Variants in TBC1D7 observed in about 807,000 individuals in gnomAD.
The protein encoded by TBC1D7 is TBC domain family 7.
A neutral mutation model predicts 35.3 loss-of-function variants in TBC1D7; 33 were observed. The observed-to-expected ratio is 0.93, with a 90% CI of 0.71 to 1.25. The LOEUF is 1.25. Among genes scored for constraint, TBC1D7 ranks in the 50% most tolerant of loss-of-function variants. The pLI, the probability that TBC1D7 is intolerant of heterozygous loss-of-function variation, is 0.00. For synonymous variants in TBC1D7, 135 were observed against 129.5 expected (o/e 1.04, Z -0.29); for missense variants, 362 against 365.3 (o/e 0.99, Z 0.07).
Position 13,316,596 on chromosome 6 carries a change from T to C in TBC1D7, c.494A>G (p.Lys165Arg). Reference protein sequence around the residue: ...TRRFVNQLNTKYRDSLPQLPK... With the variant: ...TRRFVNQLNTRYRDSLPQLPK... ...CAACTGGGGCAAGGAATCCCGGTACTTGGTATTTAATTGGTTCACAAAGCG... is the reference window on the plus strand; with the variant it reads ...CAACTGGGGCAAGGAATCCCGGTACCTGGTATTTAATTGGTTCACAAAGCG... The change falls in exon 5 of 8, where the codon AAG becomes AGG. Residue 165 changes from lysine to arginine, a missense_variant. Lys to Arg is a conservative substitution (Grantham distance 26, BLOSUM62 2). Coordinates refer to ENST00000379300, the MANE Select transcript of TBC1D7 (RefSeq NM_016495.6). 1 of 1,612,268 alleles carries C rather than the reference T, an allele frequency of 6.2e-7. No homozygotes were observed. Among genetic ancestry groups the C allele is most frequent in the Non-Finnish European group, 8.5e-7 (1 of 1,179,720 alleles).
At chr6:13,319,533 T>C (rs1355919512) in intron 4 of TBC1D7, 4 of 147,652 alleles carry the variant, frequency 2.7e-5, no homozygotes, top group African/African-American at 1.0e-4. Context: ...CTAAATGTAA[T>C]GTGTGATCCG....
rs751005358 is a variant in TBC1D7, at chr6:13,307,609, C to G, written c.656G>C (p.Ser219Thr). The G allele has an allele frequency of 1.8e-5, 29 of 1,614,112 alleles. 1 individual carries two copies. In the South Asian group the frequency reaches 3.2e-4, roughly 18 times the overall value. The part of the protein sequence containing the change: ...RCFAGCLPES[S>T]LQRVWDKVVS... ...CGAAAGACCTACTTGCCTCTGTAAA[C>G]TGGATTCAGGCAAACATCCCGCAAA... is the stretch of plus-strand genomic sequence containing the variant. The change falls in exon 6 of 8, where the codon AGT (serine) becomes ACT (threonine). Residue 219 changes from serine (S) to threonine (T), a missense_variant. Coordinates refer to ENST00000379300, the MANE Select transcript of TBC1D7 (RefSeq NM_016495.6).
At chr6:13,316,550 A>C (rs1783633620) in intron 5 of TBC1D7, 21 bp downstream of exon 5, 2 of 591,638 alleles carry the variant, frequency 3.4e-6, no homozygotes, top group African/African-American at 4.9e-5. Context: ...CCAATAGCCA[A>C]AAAAAAAAAA....
rs544854763 is a variant in TBC1D7, at chr6:13,314,506, G to C, written c.519+2065C>G. ...AATATTAAATAAGAAAAGCTAATTAGATCATGGTATGATATAACTGAGACC... is the reference window on the plus strand; with the variant it reads ...AATATTAAATAAGAAAAGCTAATTACATCATGGTATGATATAACTGAGACC... On this transcript the variant is annotated intron_variant, in intron 5 of 7. Coordinates refer to ENST00000379300, the MANE Select transcript of TBC1D7 (RefSeq NM_016495.6). 2.6e-5 allele frequency among the ~76,000 whole-genome samples: 4 copies of C among 152,284 alleles called. No individual in the cohort carries two copies. In the South Asian group the frequency reaches 8.3e-4, roughly 32 times the overall value.
In TBC1D7 at chr6:13,326,947, G is replaced by A. The variant is rs182564880; in HGVS notation, c.-8-41C>T. 4.7e-4 allele frequency: 557 copies of A among 1,192,960 alleles called. 1 individual carries two copies. Among genetic ancestry groups the A allele is most frequent in the Admixed American group, 1.0e-3 (50 of 48,014 alleles). The allele number at this position is 1,192,960 out of a possible 1,614,324, so 73.9% of individuals were successfully genotyped here. A position where few individuals can be genotyped will look rare whatever the true frequency, so the allele number is the denominator to read the frequency against. On this transcript the variant is annotated intron_variant, in intron 1 of 7. Transcript: ENST00000379300. ...GAAAGACAGAAAGGGAGAGAAAGAC[G>A]AAGGGGAAAAGTGAGTCTAGAAACA...
chr6:13,313,149 G>A lies in TBC1D7; in HGVS notation c.519+3422C>T, dbSNP rs151251241. Among the ~76,000 whole-genome samples the A allele has an allele frequency of 3.0e-3, 459 of 152,230 alleles. 3 individuals carry two copies. Among genetic ancestry groups the A allele is most frequent in the African/African-American group, 0.011 (437 of 41,538 alleles). ...TTTGCAAGTCCCATTTTATGTAAGG[G>A]ACTTGAACACCCATGAATTTTACTG... On this transcript the variant is annotated intron_variant, in intron 5 of 7. Coordinates refer to ENST00000379300, the MANE Select transcript of TBC1D7 (RefSeq NM_016495.6).
chr6:13,308,481 G>A (rs915032865), intron 5 of TBC1D7, among the ~76,000 whole-genome samples: 3 of 152,304 alleles, frequency 2.0e-5, no homozygotes, highest in Admixed American at 1.3e-4. Context: ...GCCAACACTA[G>A]AAGACTGGAG....
intron 4 of TBC1D7, chr6:13,320,527 C>T (rs1783956970): frequency 1.9e-6 from 1 of 529,768 alleles, no homozygotes; most frequent in African/African-American, 1.9e-5. Flanking sequence ...CAAAGCAAAA[C>T]AGATGCTTAA....
intron 2 of TBC1D7, 101 bp downstream of exon 2, chr6:13,326,686 A>G: frequency 6.2e-6 from 4 of 648,420 alleles, no homozygotes; most frequent in Non-Finnish European, 1.0e-5. Flanking sequence ...TAAAAAATAC[A>G]GCAAGTAACC....
At chr6:13,324,086 A>C (rs1360615314) in intron 3 of TBC1D7, among the ~76,000 whole-genome samples, 1 of 152,064 alleles carries the variant, frequency 6.6e-6, no homozygotes, top group Non-Finnish European at 1.5e-5. Flanking sequence ...AGTACTCGCC[A>C]CTATCTTACA....
At chr6:13,316,886 T>A (rs547057862) in intron 4 of TBC1D7, among the ~76,000 whole-genome samples, 178 bp from the exon 5 acceptor site, 2 of 152,280 alleles carry the variant, frequency 1.3e-5, no homozygotes, top group East Asian at 3.9e-4. Context: ...GAGAAAAAGA[T>A]GAGTAACTAC....
chr6:13,326,936 G>A, intron 1 of TBC1D7, 30 bp from the exon 2 acceptor site: 1 of 1,328,146 alleles, frequency 7.5e-7, no homozygotes. Context: ...GACAGAAAGG[G>A]AGAGAAAGAC....
intron 5 of TBC1D7, among the ~76,000 whole-genome samples, chr6:13,314,754 C>A (rs527559180): frequency 1.4e-3 from 211 of 152,300 alleles, no homozygotes; most frequent in Middle Eastern, 3.4e-3. Flanking sequence ...AATGCTCATC[C>A]AACCATCATC....
chr6:13,305,744 A>C (rs557090254), intron 7 of TBC1D7: 1 of 167,326 alleles, frequency 6.0e-6, no homozygotes, highest in East Asian at 1.8e-4. Context: ...ATTCCAAGAT[A>C]CATAGCGAGG....
intron 3 of TBC1D7, among the ~76,000 whole-genome samples, chr6:13,321,501 C>T (rs1052240822): frequency 2.0e-5 from 3 of 152,228 alleles, no homozygotes; most frequent in South Asian, 2.1e-4. Context: ...GAACCACCAA[C>T]AGCCCATTGA....
chr6:13,308,250 T>C (rs1254534334), intron 5 of TBC1D7, among the ~76,000 whole-genome samples: 1 of 152,068 alleles, frequency 6.6e-6, no homozygotes, highest in Non-Finnish European at 1.5e-5. Flanking sequence ...GTGATGGTGA[T>C]GAGAAGGGGC....
rs1365161935 is a variant in TBC1D7, at chr6:13,316,764, T to C, written c.382-56A>G. ...AGGCAGTGAAAGAGAGGAATACATA[T>C]TTCTTTAATAAAAAATGAAACCTTG... On this transcript the variant is annotated intron_variant, in intron 4 of 7. Transcript: ENST00000379300. 2.5e-6 allele frequency: 4 copies of C among 1,577,268 alleles called. No homozygotes were observed. In the African/African-American group the frequency reaches 4.1e-5, roughly 16 times the overall value.
At chr6:13,314,375 A>G (rs1321123647) in intron 5 of TBC1D7, among the ~76,000 whole-genome samples, 1 of 152,208 alleles carries the variant, frequency 6.6e-6, no homozygotes, top group Non-Finnish European at 1.5e-5. Flanking sequence ...ATTCATCTGA[A>G]TTGCTGAATT....
intron 4 of TBC1D7, chr6:13,318,299 G>C (rs1241497099): frequency 6.6e-6 from 1 of 152,196 alleles, no homozygotes; most frequent in Non-Finnish European, 1.5e-5. Flanking sequence ...TCATGACTGG[G>C]AGACGTGGGA....
Sources: gnomAD v4.1 joint callset for allele counts (sites outside exome capture counted in the v4.1 genomes callset) on GRCh38, gnomAD v4.1.1 for gene constraint, MANE v1.5 for transcripts, NCBI Gene and HGNC (gene_info 2026-07-23, HGNC 2026-07-21) for gene names.